Variants in GNG7 observed in about 807,000 individuals in gnomAD.
GNG7 encodes guanine nucleotide-binding protein G(I)/G(S)/G(O) subunit gamma-7.
A neutral mutation model predicts 4.0 loss-of-function variants in GNG7; 1 was observed. That is an observed-to-expected ratio of 0.25 (90% confidence interval 0.09 to 1.18). The LOEUF is 1.18. Ranked by LOEUF, GNG7 falls within the 50% of genes most tolerant of loss-of-function variation. The pLI is 0.50. For synonymous variants in GNG7, 34 were observed against 36.9 expected (o/e 0.92, Z 0.29); for missense variants, 86 against 91.9 (o/e 0.94, Z 0.26).
chr19:2,653,751 C>T lies in GNG7; in HGVS notation c.-134-7471G>A, dbSNP rs1259598238. ...TCTGCCCTCTGGCCTCCCCTGTCCT[C>T]ATCCTTATGGGATCTTCAGATGGTG... On this transcript the variant is annotated intron_variant, in intron 1 of 4. Coordinates refer to ENST00000382159, the MANE Select transcript of GNG7 (RefSeq NM_052847.3). This position sits in a 1 kb window ranked among gnomAD's most constrained non-coding sequence, Gnocchi z 4.8. Among the ~76,000 whole-genome samples the T allele has an allele frequency of 6.6e-6, 1 of 152,192 alleles. No individual in the cohort carries two copies. Among genetic ancestry groups the T allele is most frequent in the Admixed American group, 6.5e-5 (1 of 15,278 alleles).
In GNG7 at chr19:2,693,824, G is replaced by A. The variant is rs543424920; in HGVS notation, c.-135+8822C>T. Reference sequence around the variant, plus strand: ...GAGACAGAGACAGCACCAGATAAATGCGTCAAGGGTTAAAGAATGAACGCC... The same window carrying A: ...GAGACAGAGACAGCACCAGATAAATACGTCAAGGGTTAAAGAATGAACGCC... On this transcript the variant is annotated intron_variant, in intron 1 of 4. Transcript: ENST00000382159. 2.0e-5 allele frequency among the ~76,000 whole-genome samples: 3 copies of A among 152,190 alleles called. No homozygotes were observed. The East Asian group carries it at 5.8e-4, about 29-fold the overall frequency.
chr19:2,575,540 GGCAGGCACACGCAGACACAC>G (rs1324210233), intron 2 of GNG7, among the ~76,000 whole-genome samples: 99 of 89,900 alleles, frequency 1.1e-3, no homozygotes, highest in Non-Finnish European at 1.8e-3. Flanking sequence ...CACGCAGACA[GGCAGGCACACGCAGACACAC>G]GCAGGCACAC....
intron 2 of GNG7, among the ~76,000 whole-genome samples, chr19:2,606,978 CA>C (rs1461919971): frequency 2.6e-5 from 4 of 151,776 alleles, no homozygotes; most frequent in African/African-American, 4.8e-5. Context: ...CCCAGCACCT[CA>C]GGAGGCCGAG....
intron 1 of GNG7, among the ~76,000 whole-genome samples, chr19:2,686,984 C>T (rs1477782473): frequency 2.6e-5 from 4 of 151,348 alleles, no homozygotes; most frequent in Non-Finnish European, 5.9e-5. Context: ...GATCTCCTGA[C>T]CTCGTGATCC....
chr19:2,651,266 TTCCTTCCC>T (rs1982808388), intron 1 of GNG7, among the ~76,000 whole-genome samples: 2 of 111,670 alleles, frequency 1.8e-5, no homozygotes, highest in Admixed American at 9.2e-5. Flanking sequence ...CCTTCCTTCC[TTCCTTCCC>T]TCCCTCCCTC....
In GNG7 at chr19:2,557,624, G is replaced by A. The variant is rs898675043; in HGVS notation, c.-77-2436C>T. The stretch of plus-strand genomic sequence containing the variant: ...AGACTTCTGACCCATCACAAACTCT[G>A]AGTCAAAGTGCGATGTGCCCAGGCC... On this transcript the variant is annotated intron_variant, in intron 2 of 4. Transcript: ENST00000382159. This position sits in a 1 kb window ranked among gnomAD's most constrained non-coding sequence, Gnocchi z 5.1. Among the ~76,000 whole-genome samples, 11 of 51,052 alleles carry A rather than the reference G, an allele frequency of 2.2e-4. No homozygotes were observed. The East Asian group carries it at 3.7e-3, about 17-fold the overall frequency. The allele number at this position is 51,052 out of a possible 152,430, so 33.5% of individuals were successfully genotyped here. A position where few individuals can be genotyped will look rare whatever the true frequency, so the allele number is the denominator to read the frequency against.
intron 1 of GNG7, among the ~76,000 whole-genome samples, chr19:2,657,061 CG>C: frequency 6.6e-6 from 1 of 151,778 alleles, no homozygotes; most frequent in East Asian, 1.9e-4. Context: ...ATTACAGGCG[CG>C]GTGGCTCATG....
At chr19:2,655,873 T>TAA (rs1982958340) in intron 1 of GNG7, among the ~76,000 whole-genome samples, 6 of 96,404 alleles carry the variant, frequency 6.2e-5, no homozygotes, top group African/African-American at 2.5e-4. Context: ...CATATATATA[T>TAA]AAATTAGCCA....
chr19:2,600,318 T>G (rs1981160851), intron 2 of GNG7, among the ~76,000 whole-genome samples: 1 of 151,964 alleles, frequency 6.6e-6, no homozygotes, highest in South Asian at 2.1e-4. Context: ...TTTGCAAATT[T>G]CTTTCATGTC....
At chr19:2,596,329 A>G (rs1981019833) in intron 2 of GNG7, among the ~76,000 whole-genome samples, 2 of 151,704 alleles carry the variant, frequency 1.3e-5, no homozygotes, top group African/African-American at 4.8e-5. Context: ...TCTGCACTGC[A>G]GCCTGGGCGA....
At chr19:2,637,233 C>G (rs7259038) in intron 2 of GNG7, among the ~76,000 whole-genome samples, 59,509 of 151,554 alleles carry the variant, frequency 0.39, 11,893 homozygotes, top group East Asian at 0.52. Flanking sequence ...CCGAGCCCGG[C>G]CCGTCTTTGC....
intron 2 of GNG7, among the ~76,000 whole-genome samples, chr19:2,621,008 C>T (rs1981854678): frequency 6.6e-6 from 1 of 152,134 alleles, no homozygotes; most frequent in South Asian, 2.1e-4. Context: ...TGGTACGACT[C>T]ATACAGGTTT....
At chr19:2,539,056 C>A (rs932251038) in intron 3 of GNG7, among the ~76,000 whole-genome samples, 3 of 152,004 alleles carry the variant, frequency 2.0e-5, no homozygotes, top group African/African-American at 7.2e-5. Flanking sequence ...CAGGCGTGAG[C>A]CACGGCACCC....
chr19:2,528,112 T>C (rs1361274196), intron 3 of GNG7, among the ~76,000 whole-genome samples: 1 of 146,368 alleles, frequency 6.8e-6, no homozygotes, highest in Non-Finnish European at 1.5e-5. Context: ...CTGCTAAAAA[T>C]ACAAAAAAAT....
chr19:2,646,824 C>A (rs115668643), intron 1 of GNG7, among the ~76,000 whole-genome samples: 2,332 of 152,310 alleles, frequency 0.015, 63 homozygotes, highest in African/African-American at 0.053. Context: ...GATGTTTCTA[C>A]GGCTCTTCAC....
At chr19:2,682,067 G>A (rs957750954) in intron 1 of GNG7, among the ~76,000 whole-genome samples, 7 of 152,028 alleles carry the variant, frequency 4.6e-5, no homozygotes, top group Non-Finnish European at 8.8e-5. Flanking sequence ...GCGCCACCAC[G>A]CCCGGCTAAT....
chr19:2,694,298 G>C (rs1913195556), intron 1 of GNG7, among the ~76,000 whole-genome samples: 1 of 151,858 alleles, frequency 6.6e-6, no homozygotes, highest in South Asian at 2.1e-4. Flanking sequence ...AAAAAAAAAA[G>C]TTTTAGTTGA....
At chr19:2,691,309 C>T (rs905192698) in intron 1 of GNG7, among the ~76,000 whole-genome samples, 6 of 152,076 alleles carry the variant, frequency 3.9e-5, no homozygotes, top group Non-Finnish European at 7.4e-5. Context: ...TTTGGGAGGA[C>T]GGGACCAGAG....
intron 1 of GNG7, among the ~76,000 whole-genome samples, chr19:2,687,974 C>T (rs541035452): frequency 1.5e-3 from 220 of 151,672 alleles, no homozygotes; most frequent in African/African-American, 4.8e-3. Flanking sequence ...ATAAAATAGC[C>T]GGGCGCGGTG....
Sources: gnomAD v4.1 joint callset for allele counts (sites outside exome capture counted in the v4.1 genomes callset) on GRCh38, gnomAD v4.1.1 for gene constraint, Gnocchi (gnomAD v3.1) non-coding constraint, MANE v1.5 for transcripts, NCBI Gene and HGNC (gene_info 2026-07-23, HGNC 2026-07-21) for gene names.